The following GON4L variants were observed in gnomAD, a reference collection of about 807,000 sequenced individuals.
GON4L encodes gon-4 like.
In GON4L, 87 loss-of-function variants were observed where a neutral mutation model predicts 211.8. The observed-to-expected ratio is 0.41, with a 90% confidence interval of 0.35 to 0.49. The LOEUF (loss-of-function observed/expected upper bound fraction) is 0.49, where lower values mean the gene tolerates loss of function less well. GON4L is among the 20% of genes least tolerant of loss of function. GON4L has a pLI of 0.15. For missense variants in GON4L, 2,155 were observed against 2,659.5 expected (o/e 0.81, Z 4.17); for synonymous variants, 875 against 962.6 (o/e 0.91, Z 1.68).
At chr1:155,836,247 TCG>T (rs1361411927) in intron 2 of GON4L, among the ~76,000 whole-genome samples, 3,592 of 109,806 alleles carry the variant, frequency 0.033, 136 homozygotes, top group African/African-American at 0.11. Flanking sequence ...TGTTTTGTTT[TCG>T]TTTTTTTTTT....
At chr1:155,822,533 G>A (rs1276866828) in intron 3 of GON4L, 57 bp from the exon 4 acceptor site, 1 of 1,300,264 alleles carries the variant, frequency 7.7e-7, no homozygotes, top group Middle Eastern at 1.8e-4. Flanking sequence ...CAGGAACTTA[G>A]CCCAGAAAGC....
At chr1:155,822,665 G>A (rs1374724627) in intron 3 of GON4L, among the ~76,000 whole-genome samples, 189 bp from the exon 4 acceptor site, 1 of 152,150 alleles carries the variant, frequency 6.6e-6, no homozygotes, top group African/African-American at 2.4e-5. Flanking sequence ...GCAAAACTAT[G>A]GAAATAGAAA....
rs746167263 is a variant in GON4L, at chr1:155,826,980, C to T, written c.554G>A (p.Gly185Asp). ...SEGEIPSLPS[G>D]SQSAKPVSQP... ...GCTTACTGGTTTTGCAGATTGGCTG[C>T]CTGATGGCAGGGAAGGTATCTCCCC... is the stretch of plus-strand genomic sequence containing the variant. Residue 185 changes from glycine to aspartate, a missense_variant, in exon 3 of 32, where the codon GGC (glycine) becomes GAC (aspartate). Around this residue, in one of 6 missense-constraint regions of GON4L, gnomAD observed 313 missense variants for 293.2 expected, o/e 1.07. Transcript: ENST00000368331. 6.2e-7 allele frequency: 1 copy of T among 1,614,068 alleles called. No homozygotes were observed. The highest frequency in any genetic ancestry group is 1.1e-5 in the South Asian group (1 of 91,086).
intron 1 of GON4L, among the ~76,000 whole-genome samples, chr1:155,856,714 G>A (rs969844689): frequency 1.3e-5 from 2 of 151,722 alleles, no homozygotes; most frequent in Non-Finnish European, 2.9e-5. Context: ...GAGTAGCCAG[G>A]GCAGCTCTTT....
At chr1:155,850,270 T>G (rs1315845507) in intron 2 of GON4L, among the ~76,000 whole-genome samples, 3 of 152,228 alleles carry the variant, frequency 2.0e-5, no homozygotes, top group African/African-American at 7.2e-5. Flanking sequence ...GCACAAGCTA[T>G]TTACCCTTTT....
chr1:155,819,974 G>A (rs1571855631), intron 6 of GON4L, among the ~76,000 whole-genome samples: 1 of 152,048 alleles, frequency 6.6e-6, no homozygotes, highest in Non-Finnish European at 1.5e-5. Flanking sequence ...TAGTGCAGTG[G>A]TGCAATCTCC....
intron 14 of GON4L, among the ~76,000 whole-genome samples, chr1:155,782,414 T>G (rs1014789022): frequency 7.9e-5 from 12 of 152,216 alleles, no homozygotes; most frequent in Non-Finnish European, 1.2e-4. Flanking sequence ...CCTACAATAT[T>G]CAGCAGAATA....
At chr1:155,778,092 T>A (rs1664017068) in intron 14 of GON4L, among the ~76,000 whole-genome samples, 1 of 152,118 alleles carries the variant, frequency 6.6e-6, no homozygotes. Flanking sequence ...AAAATTAAAA[T>A]GCTAGGAACA....
intron 2 of GON4L, among the ~76,000 whole-genome samples, chr1:155,850,239 AT>A (rs1557933373): frequency 6.6e-6 from 1 of 152,208 alleles, no homozygotes; most frequent in Non-Finnish European, 1.5e-5. Flanking sequence ...CAAAAGTCAA[AT>A]CTATGTAATT....
intron 13 of GON4L, chr1:155,785,112 T>C: frequency 1.6e-6 from 1 of 618,442 alleles, no homozygotes; most frequent in Non-Finnish European, 3.0e-6. Context: ...CAAAAAGAAG[T>C]TTCAAGGAAA....
intron 10 of GON4L, among the ~76,000 whole-genome samples, chr1:155,806,179 G>GTTTTTTTTTTTTTTTTTTTTT: frequency 6.7e-6 from 1 of 148,960 alleles, no homozygotes. Flanking sequence ...TTTAGATGGA[G>GTTTTTTTTTTTTTTTTTTTTT]TCTTGCTCTG....
In GON4L at chr1:155,751,955, C is replaced by T. The variant is rs1159163678; in HGVS notation, c.6473+5G>A. 1 of 1,611,998 alleles carries T rather than the reference C, an allele frequency of 6.2e-7. No homozygotes were observed. The highest frequency in any genetic ancestry group is 1.1e-5 in the South Asian group (1 of 91,038). ...TCCAAACACACGTCATCCACCCTTA[C>T]CTACCTTGTCCACAGGACAACCTTT... is the stretch of plus-strand genomic sequence containing the variant. On this transcript the variant is annotated splice_donor_5th_base_variant and intron_variant, in intron 30 of 31. Transcript: ENST00000368331.
At position 155,827,026 on chromosome 1, in the gene GON4L, T is replaced by C. The variant is rs189036184; in HGVS notation, c.508A>G (p.Lys170Glu). The change falls in exon 3 of 32, where the codon AAA (lysine) becomes GAA (glutamate). Residue 170 changes from lysine to glutamate, a missense_variant and splice_region_variant. By Grantham distance (56) the Lys-to-Glu change is moderately conservative. Around this residue, in one of 6 missense-constraint regions of GON4L, gnomAD observed 313 missense variants for 293.2 expected, o/e 1.07. Transcript: ENST00000368331. ...PSEEVKEEGG[K>E]PQMNSEGEIP... ...TCCCCTTCAGAATTCATTTGAGGTT[T>C]CCCTGGAAGAATCACAAATATTGCT... 2.1e-5 allele frequency: 34 copies of C among 1,609,638 alleles called. No homozygotes were observed. Among genetic ancestry groups the C allele is most frequent in the Middle Eastern group, 3.3e-4 (2 of 6,050 alleles).
intron 11 of GON4L, among the ~76,000 whole-genome samples, chr1:155,798,408 C>CTTT (rs35010499): frequency 1.2e-4 from 15 of 124,992 alleles, no homozygotes; most frequent in Non-Finnish European, 2.2e-4. Context: ...ACAGCAAGTT[C>CTTT]TTTTTTTTTT....
At chr1:155,748,471 G>T, downstream of GON4L, 1 of 1,610,964 alleles carries the variant, frequency 6.2e-7, no homozygotes, top group East Asian at 2.2e-5. Context: ...CTTATCGCCT[G>T]TGTTCCTCTC....
At chr1:155,764,746 AT>A in intron 21 of GON4L, 1 of 1,178,344 alleles carries the variant, frequency 8.5e-7, no homozygotes, top group African/African-American at 1.5e-5. Flanking sequence ...GCCTATTACT[AT>A]TTTTTAAGGC....
chr1:155,854,465 T>C (rs1473643689), intron 1 of GON4L, among the ~76,000 whole-genome samples: 2 of 152,188 alleles, frequency 1.3e-5, no homozygotes, highest in African/African-American at 4.8e-5. Context: ...AACATTGTTA[T>C]TATTACCATC....
chr1:155,856,764 AAAAGAAAAAGAAAG>A lies in GON4L; in HGVS notation c.-27+369_-27+382del, dbSNP rs796818192. Among the ~76,000 whole-genome samples, 17 of 151,850 alleles carry A rather than the reference AAAAGAAAAAGAAAG, an allele frequency of 1.1e-4. 1 individual carries two copies. Among genetic ancestry groups the A allele is most frequent in the African/African-American group, 4.1e-4 (17 of 41,146 alleles). On this transcript the variant is annotated intron_variant, in intron 1 of 31. Coordinates refer to ENST00000368331, the MANE Select transcript of GON4L (RefSeq NM_001282860.2). ...TTACTGAGATCAAAAAAAGGGGAAA[AAAAGAAAAAGAAAG>A]AAAGAAAAAGAAGGAAAGAAAGACA...
At chr1:155,777,503 C>G in intron 15 of GON4L, 119 bp downstream of exon 15, 1 of 810,560 alleles carries the variant, frequency 1.2e-6, no homozygotes, top group South Asian at 1.4e-5. Context: ...TGCTTGAGCC[C>G]AGAAAGCAGA....
Sources: gnomAD v4.1 joint callset for allele counts (sites outside exome capture counted in the v4.1 genomes callset) on GRCh38, gnomAD v4.1.1 for gene constraint, gnomAD v4.1.1 regional missense constraint, MANE v1.5 for transcripts, NCBI Gene and HGNC (gene_info 2026-07-23, HGNC 2026-07-21) for gene names.